Variants in CHSY3 observed in about 807,000 individuals in gnomAD.
CHSY3 encodes chondroitin sulfate synthase 3.
Under a neutral mutation model 67.2 loss-of-function variants are expected in CHSY3, and 35 were observed. That is an observed-to-expected ratio of 0.52 (90% CI 0.40 to 0.69). The LOEUF is 0.69. CHSY3 is among the 30% of genes least tolerant of loss of function. The pLI is 0.00. For missense variants in CHSY3, 1,069 were observed against 1,138.5 expected (o/e 0.94, Z 0.88); for synonymous variants, 474 against 434.7 (o/e 1.09, Z -1.12).
At chr5:129,930,476 C>T (rs566195406) in intron 2 of CHSY3, among the ~76,000 whole-genome samples, 2 of 141,600 alleles carry the variant, frequency 1.4e-5, no homozygotes, top group African/African-American at 2.7e-5. Flanking sequence ...CATAGATAAG[C>T]ACCATAGATG....
intron 2 of CHSY3, among the ~76,000 whole-genome samples, chr5:130,024,541 A>G (rs1311934988): frequency 1.3e-5 from 2 of 152,114 alleles, no homozygotes; most frequent in Non-Finnish European, 2.9e-5. Flanking sequence ...GGTGACATCT[A>G]ATCTGTTTTA....
At chr5:129,971,763 T>C (rs970455666) in intron 2 of CHSY3, among the ~76,000 whole-genome samples, 2 of 152,028 alleles carry the variant, frequency 1.3e-5, no homozygotes, top group African/African-American at 2.4e-5. Context: ...ATGAGGGCTA[T>C]ATTTTTCATT....
chr5:129,905,881 G>A, intron 1 of CHSY3: 1 of 796,994 alleles, frequency 1.3e-6, no homozygotes, highest in South Asian at 2.3e-5. Flanking sequence ...GCTGTTTTCG[G>A]TGCCGCCTCG....
chr5:129,921,109 C>T (rs909665535), intron 2 of CHSY3, among the ~76,000 whole-genome samples: 11 of 152,298 alleles, frequency 7.2e-5, no homozygotes, highest in Middle Eastern at 3.4e-3. Flanking sequence ...CGTGAACCAT[C>T]GTGCATAGCC....
intron 2 of CHSY3, among the ~76,000 whole-genome samples, chr5:130,073,314 G>GTTTCA (rs1766146526): frequency 6.6e-6 from 1 of 150,416 alleles, no homozygotes; most frequent in African/African-American, 2.5e-5. Context: ...TTAAGACAGA[G>GTTTCA]TTTCACTCTG....
intron 2 of CHSY3, among the ~76,000 whole-genome samples, chr5:129,957,723 G>A (rs1200605305): frequency 6.6e-6 from 1 of 152,014 alleles, no homozygotes; most frequent in African/African-American, 2.4e-5. Context: ...TGCCTCTCAT[G>A]CCTTCAGGAG....
chr5:130,037,657 T>A (rs1764897263), intron 2 of CHSY3, among the ~76,000 whole-genome samples: 1 of 152,040 alleles, frequency 6.6e-6, no homozygotes, highest in South Asian at 2.1e-4. Flanking sequence ...TACCCCATAA[T>A]TTACTATGTT....
intron 2 of CHSY3, among the ~76,000 whole-genome samples, chr5:130,047,970 TAATG>T (rs1301218820): frequency 6.7e-6 from 1 of 149,736 alleles, no homozygotes; most frequent in Non-Finnish European, 1.5e-5. Context: ...TAAGTAAAAA[TAATG>T]AATGGCTTTA....
chr5:130,124,644 A>G (rs1025448218), intron 2 of CHSY3, among the ~76,000 whole-genome samples: 2 of 151,900 alleles, frequency 1.3e-5, no homozygotes, highest in African/African-American at 4.8e-5. Flanking sequence ...TTTATTAGAG[A>G]CGGTGTTTCG....
intron 2 of CHSY3, among the ~76,000 whole-genome samples, chr5:130,130,848 A>G (rs907828773): frequency 6.6e-6 from 1 of 152,170 alleles, no homozygotes; most frequent in Non-Finnish European, 1.5e-5. Flanking sequence ...GTAAGAAATG[A>G]TACATTCCCT....
chr5:130,020,461 A>ATATATATATTTTTT (rs1371121130), intron 2 of CHSY3, among the ~76,000 whole-genome samples: 2 of 79,932 alleles, frequency 2.5e-5, no homozygotes, highest in Non-Finnish European at 4.5e-5. Flanking sequence ...ATATATATAT[A>ATATATATATTTTTT]TTTTTTTTTT....
intron 2 of CHSY3, among the ~76,000 whole-genome samples, chr5:129,976,073 T>A (rs567687000): frequency 6.6e-6 from 1 of 152,280 alleles, no homozygotes; most frequent in Non-Finnish European, 1.5e-5. Flanking sequence ...AAACCAGTTT[T>A]ATTCAAGAAG....
intron 2 of CHSY3, among the ~76,000 whole-genome samples, chr5:130,103,060 G>A (rs1023219035): frequency 6.6e-6 from 1 of 152,004 alleles, no homozygotes; most frequent in East Asian, 1.9e-4. Flanking sequence ...GTCTCCTTGT[G>A]CCTAGAGGCT....
intron 2 of CHSY3, among the ~76,000 whole-genome samples, chr5:129,933,127 C>T (rs1158194525): frequency 6.6e-6 from 1 of 152,054 alleles, no homozygotes; most frequent in Non-Finnish European, 1.5e-5. Context: ...TCATGATAAC[C>T]TCCTCCATGA....
chr5:130,043,359 A>C (rs1038917124), intron 2 of CHSY3, among the ~76,000 whole-genome samples: 20 of 152,086 alleles, frequency 1.3e-4, no homozygotes, highest in Admixed American at 1.2e-3. Context: ...TATCAGGGGG[A>C]TGATTCATCA....
intron 2 of CHSY3, among the ~76,000 whole-genome samples, chr5:130,067,928 C>T (rs1049306626): frequency 2.6e-5 from 4 of 152,088 alleles, no homozygotes; most frequent in African/African-American, 9.7e-5. Context: ...TAAATCCAAG[C>T]CATAGTTTAG....
intron 2 of CHSY3, among the ~76,000 whole-genome samples, chr5:130,061,300 A>G (rs886842886): frequency 3.3e-5 from 5 of 152,204 alleles, no homozygotes; most frequent in Non-Finnish European, 4.4e-5. Context: ...TGACAAAAAT[A>G]AACAGTGGGG....
intron 2 of CHSY3, among the ~76,000 whole-genome samples, chr5:130,159,643 G>A (rs776063669): frequency 3.9e-5 from 6 of 152,074 alleles, no homozygotes; most frequent in Admixed American, 6.5e-5. Flanking sequence ...ATATCTAGTC[G>A]TTGCATTTTC....
intron 2 of CHSY3, among the ~76,000 whole-genome samples, chr5:130,016,669 G>A (rs543553695): frequency 1.2e-4 from 19 of 152,242 alleles, no homozygotes; most frequent in South Asian, 4.1e-4. Flanking sequence ...TTGGCCTCCC[G>A]AAGTGCTGGG....
Sources: allele counts gnomAD v4.1 joint callset (sites outside exome capture counted in the v4.1 genomes callset), GRCh38; gene constraint gnomAD v4.1.1; transcripts MANE v1.5; gene names NCBI Gene and HGNC (gene_info 2026-07-23, HGNC 2026-07-21).